Variants in PTPN14 observed in about 807,000 individuals in gnomAD.
PTPN14 encodes the protein protein tyrosine phosphatase non-receptor type 14.
PTPN14 carries 53 observed loss-of-function variants against 126.8 expected under a neutral mutation model. The ratio of observed to expected loss-of-function variants is 0.42; its 90% CI spans 0.34 to 0.53. The LOEUF (loss-of-function observed/expected upper bound fraction) is 0.53. Among genes scored for constraint, PTPN14 ranks in the 20% least tolerant of loss-of-function variants. The pLI is 0.08. For missense variants in PTPN14, 1,257 were observed against 1,552.9 expected (o/e 0.81, Z 3.20); for synonymous variants, 630 against 599.3 (o/e 1.05, Z -0.75).
At chr1:214,506,353 TAAA>T in intron 1 of PTPN14, among the ~76,000 whole-genome samples, 1 of 148,312 alleles carries the variant, frequency 6.7e-6, no homozygotes, top group African/African-American at 2.6e-5. Context: ...TTTTTTTTTT[TAAA>T]ATTTTTTAAA....
At chr1:214,521,319 T>C (rs1655249315) in intron 1 of PTPN14, among the ~76,000 whole-genome samples, 1 of 152,188 alleles carries the variant, frequency 6.6e-6, no homozygotes, top group African/African-American at 2.4e-5. Flanking sequence ...AGCTAAGATA[T>C]AGAAAAGAGC....
intron 10 of PTPN14, among the ~76,000 whole-genome samples, chr1:214,391,934 T>C (rs547470346): frequency 6.6e-6 from 1 of 152,304 alleles, no homozygotes; most frequent in South Asian, 2.1e-4. Context: ...TTTTTCTCCC[T>C]ATAACAAGAA....
chr1:214,548,663 TG>T (rs1340248701), intron 1 of PTPN14, among the ~76,000 whole-genome samples: 1 of 152,182 alleles, frequency 6.6e-6, no homozygotes, highest in East Asian at 1.9e-4. Context: ...GGCTATAATA[TG>T]TAATCAAAGG....
chr1:214,387,234 T>A (rs1475709418), intron 11 of PTPN14, among the ~76,000 whole-genome samples: 6 of 152,266 alleles, frequency 3.9e-5, no homozygotes, highest in Admixed American at 3.9e-4. Context: ...AAGTTCTCTA[T>A]GCCTTCTTTC....
intron 1 of PTPN14, among the ~76,000 whole-genome samples, chr1:214,471,228 G>T (rs75375087): frequency 6.6e-6 from 1 of 151,826 alleles, no homozygotes. Flanking sequence ...ACTGGAAACC[G>T]AAAACTAAAG....
At chr1:214,371,651 A>G (rs1259879431) in intron 16 of PTPN14, among the ~76,000 whole-genome samples, 1 of 152,202 alleles carries the variant, frequency 6.6e-6, no homozygotes, top group Non-Finnish European at 1.5e-5. Context: ...GGTATGCTGT[A>G]TTTAGGTGAA....
At chr1:214,369,812 T>C (rs1416473141) in intron 16 of PTPN14, 121 bp from the exon 17 acceptor site, 1 of 812,114 alleles carries the variant, frequency 1.2e-6, no homozygotes, top group Non-Finnish European at 2.1e-6. Context: ...TCAGTAGCAC[T>C]CTGCAGTGTC....
At chr1:214,446,489 T>C (rs776345769) in intron 3 of PTPN14, among the ~76,000 whole-genome samples, 29 of 152,172 alleles carry the variant, frequency 1.9e-4, no homozygotes, top group Non-Finnish European at 3.7e-4. Flanking sequence ...AAAAAAGCAG[T>C]GCCTCCTAAT....
At chr1:214,528,260 A>G (rs1317653796) in intron 1 of PTPN14, 4 of 152,224 alleles carry the variant, frequency 2.6e-5, no homozygotes, top group African/African-American at 4.8e-5. Flanking sequence ...GGAAAGAAAA[A>G]AAGACACTAT....
intron 8 of PTPN14, among the ~76,000 whole-genome samples, chr1:214,395,429 G>A (rs1658854677): frequency 6.6e-6 from 1 of 152,098 alleles, no homozygotes; most frequent in African/African-American, 2.4e-5. Flanking sequence ...GATTCATGAT[G>A]CCACTAAGAA....
intron 1 of PTPN14, among the ~76,000 whole-genome samples, chr1:214,495,834 A>G (rs1459178339): frequency 1.3e-5 from 2 of 152,104 alleles, no homozygotes; most frequent in Non-Finnish European, 2.9e-5. Flanking sequence ...AGCTGGGATT[A>G]CAGGCACACG....
At chr1:214,454,406 A>T (rs1446632398) in intron 2 of PTPN14, among the ~76,000 whole-genome samples, 1 of 152,228 alleles carries the variant, frequency 6.6e-6, no homozygotes. Flanking sequence ...CTGTGTCTTG[A>T]AAGCTATTTT....
intron 1 of PTPN14, chr1:214,530,486 G>C (rs1212508861): frequency 1.3e-5 from 2 of 151,192 alleles, no homozygotes; most frequent in African/African-American, 4.9e-5. Context: ...GGACTACAGG[G>C]GTGCACCACC....
intron 3 of PTPN14, among the ~76,000 whole-genome samples, chr1:214,426,090 C>T (rs1161542450): frequency 5.0e-5 from 7 of 140,346 alleles, no homozygotes; most frequent in Non-Finnish European, 1.1e-4. Context: ...CTACAGAAGG[C>T]TATAAACAGA....
rs145097057 is a variant in PTPN14 at position 214,515,935 on chromosome 1, T to C, written c.-155+35248A>G. On this transcript the variant is annotated intron_variant, in intron 1 of 18. Transcript: ENST00000366956. ...TACCTTTGGCAAAGTACAATTTTCCTGGAAAAACTGCAATTGGGCTGATAT... is the reference window on the plus strand; with the variant it reads ...TACCTTTGGCAAAGTACAATTTTCCCGGAAAAACTGCAATTGGGCTGATAT... Among the ~76,000 whole-genome samples, 7 of 152,322 alleles carry C rather than the reference T, an allele frequency of 4.6e-5. No individual in the cohort carries two copies. The East Asian group carries it at 7.7e-4, about 17-fold the overall frequency.
At chr1:214,403,549 C>T (rs1226096996) in intron 5 of PTPN14, among the ~76,000 whole-genome samples, 2 of 152,176 alleles carry the variant, frequency 1.3e-5, no homozygotes, top group Non-Finnish European at 2.9e-5. Context: ...CAGCTGAACC[C>T]CAGGCCCCTG....
At position 214,383,484 on chromosome 1, in the gene PTPN14, T is replaced by C. The variant is rs2102536656; in HGVS notation, c.2371A>G (p.Met791Val). ...ACAGCCGGCGGGTCAGTCCGAGACA[T>C]GCTGATGGCCTTGGCTGGCCCATGC... Reference protein sequence around the residue: ...LRHGPAKAISMSRTDPPAVNG... With the variant: ...LRHGPAKAISVSRTDPPAVNG... Residue 791 changes from methionine to valine, a missense_variant, in exon 13 of 19, where the codon ATG becomes GTG. Physicochemically the swap from Met to Val is conservative, Grantham distance 21. Around this residue, in one of 3 missense-constraint regions of PTPN14, gnomAD observed 1,021 missense variants for 1,183.3 expected, o/e 0.86. Transcript: ENST00000366956. This position sits in a 1 kb window ranked among gnomAD's most constrained non-coding sequence, Gnocchi z 4.4. The C allele has an allele frequency of 1.2e-6, 2 of 1,614,240 alleles. No individual in the cohort carries two copies. Among genetic ancestry groups the C allele is most frequent in the East Asian group, 2.2e-5 (1 of 44,884 alleles).
In PTPN14 at chr1:214,355,493, A is replaced by G. The variant is rs1343967825; in HGVS notation, c.*2429T>C. On this transcript the variant is annotated 3_prime_UTR_variant, in exon 19 of 19. Coordinates refer to ENST00000366956, the MANE Select transcript of PTPN14 (RefSeq NM_005401.5). ...TTTTGCTTATTGATGAGCTTCTTAT[A>G]ATAAGGGTTATAAGCTCTGTTCACT... The G allele has an allele frequency of 6.6e-6, 1 of 152,228 alleles. No individual in the cohort carries two copies. Among genetic ancestry groups the G allele is most frequent in the Non-Finnish European group, 1.5e-5 (1 of 68,048 alleles). The allele number at this position is 152,228 out of a possible 1,614,324, so 9.4% of individuals were successfully genotyped here.
chr1:214,502,304 G>A (rs1654726231), intron 1 of PTPN14, among the ~76,000 whole-genome samples: 1 of 151,986 alleles, frequency 6.6e-6, no homozygotes, highest in African/African-American at 2.4e-5. Context: ...ATAATTAAGA[G>A]CCTGAGATTA....
Sources: gnomAD v4.1 joint callset for allele counts (sites outside exome capture counted in the v4.1 genomes callset) on GRCh38, gnomAD v4.1.1 for gene constraint, gnomAD v4.1.1 regional missense constraint, Gnocchi (gnomAD v3.1) non-coding constraint, MANE v1.5 for transcripts, NCBI Gene and HGNC (gene_info 2026-07-23, HGNC 2026-07-21) for gene names.